Variants in MNAT1 observed in about 807,000 individuals in gnomAD.
The protein encoded by MNAT1 is MNAT1 component of CDK activating kinase.
In MNAT1, 43 loss-of-function variants were observed where a neutral mutation model predicts 42.0. The observed-to-expected ratio is 1.02, with a 90% CI of 0.80 to 1.32. The LOEUF is 1.32. MNAT1 is among the 40% of genes most tolerant of loss of function. MNAT1 has a pLI of 0.00. For missense variants in MNAT1, 306 were observed against 350.4 expected (o/e 0.87, Z 1.01); for synonymous variants, 118 against 120.0 (o/e 0.98, Z 0.11).
chr14:60,842,740 G>A (rs895124339), intron 6 of MNAT1, among the ~76,000 whole-genome samples: 1 of 148,646 alleles, frequency 6.7e-6, no homozygotes, highest in African/African-American at 2.4e-5. Context: ...ATTTGATGGG[G>A]CATGTCTAGA....
At chr14:60,905,949 T>C (rs1260590132) in intron 7 of MNAT1, among the ~76,000 whole-genome samples, 2 of 152,286 alleles carry the variant, frequency 1.3e-5, no homozygotes, top group East Asian at 1.9e-4. Flanking sequence ...AGTTGACACA[T>C]AAAATTCCAT....
intron 3 of MNAT1, among the ~76,000 whole-genome samples, chr14:60,802,117 G>A (rs967068603): frequency 5.3e-5 from 8 of 152,134 alleles, no homozygotes; most frequent in Non-Finnish European, 1.2e-4. Context: ...ACCAGAGGCT[G>A]TGGGATGGAT....
At chr14:60,934,060 G>T (rs2139574324) in intron 7 of MNAT1, among the ~76,000 whole-genome samples, 1 of 152,288 alleles carries the variant, frequency 6.6e-6, no homozygotes, top group South Asian at 2.1e-4. Flanking sequence ...AAAAGGTAGA[G>T]ATGTACATAA....
chr14:60,798,083 AAAG>A lies in MNAT1; in HGVS notation c.243-2_243del, dbSNP rs1310447978. The A allele has an allele frequency of 3.8e-6, 5 of 1,330,188 alleles. No homozygotes were observed. Among genetic ancestry groups the A allele is most frequent in the Non-Finnish European group, 5.4e-6 (5 of 933,860 alleles). 82.4% of individuals were successfully genotyped at this position (1,330,188 alleles called of 1,614,324 possible). On this transcript the variant is annotated splice_acceptor_variant and splice_polypyrimidine_tract_variant and intron_variant, in intron 2 of 7. Coordinates refer to ENST00000261245, the MANE Select transcript of MNAT1 (RefSeq NM_002431.4). LOFTEE classifies it high-confidence loss of function. ...ATGTAGATTTCTTTTTTCTTTTCTT[AAAG>A]ATACAATAAAAGGGAAGAAGATTTT... is the stretch of plus-strand genomic sequence containing the variant.
intron 6 of MNAT1, among the ~76,000 whole-genome samples, chr14:60,849,447 A>G (rs866073534): frequency 2.0e-5 from 3 of 152,186 alleles, no homozygotes; most frequent in Non-Finnish European, 4.4e-5. Context: ...TCTAAAGATG[A>G]ATGTTACTAA....
chr14:60,746,897 CATATATATAT>C (rs1173508656), intron 1 of MNAT1, among the ~76,000 whole-genome samples: 3 of 21,954 alleles, frequency 1.4e-4, no homozygotes, highest in East Asian at 7.3e-3. Context: ...AGATTCATTT[CATATATATAT>C]ATATATATAT....
At chr14:60,796,435 T>C in intron 2 of MNAT1, 66 bp downstream of exon 2, 2 of 1,445,590 alleles carry the variant, frequency 1.4e-6, no homozygotes, top group Non-Finnish European at 1.9e-6. Context: ...CAGTAATTGA[T>C]TATTATTTGC....
intron 7 of MNAT1, among the ~76,000 whole-genome samples, chr14:60,936,628 T>C (rs1340590706): frequency 6.6e-6 from 1 of 152,148 alleles, no homozygotes; most frequent in Non-Finnish European, 1.5e-5. Flanking sequence ...TCTATCATTG[T>C]TGGACATTTG....
At chr14:60,822,449 A>T (rs967926504) in intron 6 of MNAT1, among the ~76,000 whole-genome samples, 15 of 152,064 alleles carry the variant, frequency 9.9e-5, no homozygotes, top group Admixed American at 1.3e-4. Context: ...ATTTTTAGAG[A>T]CAGGATCTTG....
At chr14:60,750,519 T>TGC (rs1256982348) in intron 1 of MNAT1, among the ~76,000 whole-genome samples, 1 of 147,856 alleles carries the variant, frequency 6.8e-6, no homozygotes, top group East Asian at 2.0e-4. Context: ...CGTGAGCCAC[T>TGC]GCGCCCAGCC....
chr14:60,941,407 T>C (rs1231944071), intron 7 of MNAT1, among the ~76,000 whole-genome samples: 1 of 152,154 alleles, frequency 6.6e-6, no homozygotes, highest in African/African-American at 2.4e-5. Flanking sequence ...TGTTAAGAAA[T>C]AGTTTCTGAT....
At position 60,857,909 on chromosome 14, in the gene MNAT1, A is replaced by C. The variant is rs1050178359; in HGVS notation, c.688-21805A>C. On this transcript the variant is annotated intron_variant, in intron 6 of 7. Transcript: ENST00000261245. ...TCCCTGCAAAGGATATGAACTCATC[A>C]TTTTTTATGGCTGCATAGTATTCCA... Among the ~76,000 whole-genome samples the C allele has an allele frequency of 1.6e-4, 25 of 152,188 alleles. No individual in the cohort carries two copies. The East Asian group carries it at 4.4e-3, about 27-fold the overall frequency.
intron 7 of MNAT1, among the ~76,000 whole-genome samples, chr14:60,931,416 T>C (rs567050405): frequency 5.9e-5 from 9 of 152,228 alleles, no homozygotes; most frequent in Non-Finnish European, 8.8e-5. Context: ...AGAGAAATAA[T>C]TGGGGACAGG....
At chr14:60,860,237 A>T (rs376340474) in intron 6 of MNAT1, among the ~76,000 whole-genome samples, 2 of 151,954 alleles carry the variant, frequency 1.3e-5, no homozygotes, top group Admixed American at 1.3e-4. Context: ...CTTCCTGTTG[A>T]TGATGATGAT....
chr14:60,963,074 C>T (rs1002634344), intron 7 of MNAT1, among the ~76,000 whole-genome samples: 8 of 152,078 alleles, frequency 5.3e-5, no homozygotes, highest in Admixed American at 1.3e-4. Context: ...CTCCACCTCC[C>T]GGGTTCAAGC....
Position 60,771,226 on chromosome 14 carries a change from C to T in MNAT1, c.90-24991C>T, listed in dbSNP as rs1052708444. Among the ~76,000 whole-genome samples, 6 of 151,842 alleles carry T rather than the reference C, an allele frequency of 4.0e-5. No homozygotes were observed. In the East Asian group the frequency reaches 1.2e-3, roughly 29 times the overall value. On this transcript the variant is annotated intron_variant, in intron 1 of 7. Transcript: ENST00000261245. ...CATCTTTGCCAGCATTTGGTATTGTCAGACTTTAAAATTAAAAAAAAAATT... is the reference window on the plus strand; with the variant it reads ...CATCTTTGCCAGCATTTGGTATTGTTAGACTTTAAAATTAAAAAAAAAATT...
At chr14:60,823,683 AC>A (rs1474289969) in intron 6 of MNAT1, among the ~76,000 whole-genome samples, 1 of 151,358 alleles carries the variant, frequency 6.6e-6, no homozygotes, top group African/African-American at 2.4e-5. Context: ...ACATGGCAAA[AC>A]CCCATCTCTA....
chr14:60,779,940 G>T, intron 1 of MNAT1: 1 of 1,348,834 alleles, frequency 7.4e-7, no homozygotes. Flanking sequence ...GTGAAAGCGC[G>T]TGCCTTTGTT....
intron 6 of MNAT1, among the ~76,000 whole-genome samples, chr14:60,841,886 G>T (rs918537413): frequency 1.1e-4 from 17 of 152,188 alleles, no homozygotes; most frequent in Non-Finnish European, 2.9e-5. Context: ...TATTTATTGA[G>T]AGGTCTTTTT....
Sources: gnomAD v4.1 joint callset for allele counts (sites outside exome capture counted in the v4.1 genomes callset) on GRCh38, gnomAD v4.1.1 for gene constraint, MANE v1.5 for transcripts, NCBI Gene and HGNC (gene_info 2026-07-23, HGNC 2026-07-21) for gene names.